Variants in LRP1B observed in about 807,000 individuals in gnomAD.
LRP1B encodes the protein LDL receptor related protein 1B.
LRP1B carries 217 observed loss-of-function variants against 556.6 expected under a neutral mutation model. The observed-to-expected ratio is 0.39, with a 90% CI of 0.35 to 0.44. The LOEUF is 0.44. Among genes scored for constraint, LRP1B ranks in the 20% least tolerant of loss-of-function variants. The pLI, the probability that LRP1B is intolerant of heterozygous loss-of-function variation, is 1.00. For missense variants in LRP1B, 5,053 were observed against 5,620.8 expected (o/e 0.90, Z 3.23); for synonymous variants, 2,047 against 1,865.8 (o/e 1.10, Z -2.50).
At chr2:141,054,987 T>C in intron 10 of LRP1B, 129 bp downstream of exon 10, 1 of 945,522 alleles carries the variant, frequency 1.1e-6, no homozygotes, top group Non-Finnish European at 1.5e-6. Flanking sequence ...AAATGGACAG[T>C]ATATATTTGC....
In LRP1B at chr2:142,040,535, GA is replaced by G. The variant is rs1234388251; in HGVS notation, c.82+90112del. On this transcript the variant is annotated intron_variant, in intron 1 of 90. Coordinates refer to ENST00000389484, the MANE Select transcript of LRP1B (RefSeq NM_018557.3). The stretch of plus-strand genomic sequence containing the variant: ...CTTGATAAAGATGAAAACAAAATAG[GA>G]AAAAATAAGGTATGGGTTATCCCAT... Among the ~76,000 whole-genome samples, 8 of 150,354 alleles carry G rather than the reference GA, an allele frequency of 5.3e-5. No homozygotes were observed. The South Asian group carries it at 6.3e-4, about 12-fold the overall frequency.
intron 59 of LRP1B, among the ~76,000 whole-genome samples, chr2:140,484,865 A>C (rs2105361625): frequency 6.6e-6 from 1 of 152,186 alleles, no homozygotes; most frequent in African/African-American, 2.4e-5. Context: ...AGTCCCATTC[A>C]GCTTTTCATC....
chr2:141,277,200 T>C (rs953295996), intron 3 of LRP1B, among the ~76,000 whole-genome samples: 1 of 152,186 alleles, frequency 6.6e-6, no homozygotes, highest in Non-Finnish European at 1.5e-5. Flanking sequence ...TTCAAGCTAT[T>C]TGAGAAATCG....
rs180767655 is a variant in LRP1B at position 141,063,726 on chromosome 2, C to T, written c.1014-1453G>A. Reference sequence around the variant, plus strand: ...AGCTATTCTGTTTCTATAAGGACTACCCAGTTTCACTCTTTCTTACTATAG... The same window carrying T: ...AGCTATTCTGTTTCTATAAGGACTATCCAGTTTCACTCTTTCTTACTATAG... On this transcript the variant is annotated intron_variant, in intron 7 of 90. Coordinates refer to ENST00000389484, the MANE Select transcript of LRP1B (RefSeq NM_018557.3). Among the ~76,000 whole-genome samples, 11 of 151,894 alleles carry T rather than the reference C, an allele frequency of 7.2e-5. No homozygotes were observed. The East Asian group carries it at 1.9e-3, about 27-fold the overall frequency.
intron 15 of LRP1B, among the ~76,000 whole-genome samples, chr2:140,999,787 C>T (rs1276810098): frequency 6.6e-6 from 1 of 151,970 alleles, no homozygotes; most frequent in Non-Finnish European, 1.5e-5. Flanking sequence ...GAAGAAACTA[C>T]ATAAGGCAGA....
At chr2:141,795,597 A>G (rs751041765) in intron 2 of LRP1B, among the ~76,000 whole-genome samples, 1 of 151,896 alleles carries the variant, frequency 6.6e-6, no homozygotes, top group Non-Finnish European at 1.5e-5. Flanking sequence ...TTAAAACTAT[A>G]TTACTGGGTG....
At chr2:141,160,040 C>T (rs571351894) in intron 7 of LRP1B, among the ~76,000 whole-genome samples, 3 of 152,112 alleles carry the variant, frequency 2.0e-5, no homozygotes, top group Admixed American at 6.6e-5. Flanking sequence ...TCAATAGGTG[C>T]AGCAAACCAC....
At chr2:140,653,614 A>G (rs910921015) in intron 41 of LRP1B, among the ~76,000 whole-genome samples, 2 of 152,110 alleles carry the variant, frequency 1.3e-5, no homozygotes, top group African/African-American at 4.8e-5. Flanking sequence ...GTTTTTTCAT[A>G]TTTAAAAGCC....
chr2:141,028,067 T>C (rs144764127), intron 11 of LRP1B, among the ~76,000 whole-genome samples: 1 of 152,244 alleles, frequency 6.6e-6, no homozygotes, highest in East Asian at 1.9e-4. Context: ...AAATTCTCTG[T>C]ACTATTTTGC....
intron 2 of LRP1B, among the ~76,000 whole-genome samples, chr2:141,552,791 T>C (rs1217834149): frequency 6.6e-6 from 1 of 151,954 alleles, no homozygotes; most frequent in African/African-American, 2.4e-5. Flanking sequence ...AAAAAAATTC[T>C]ACTGGGATTA....
At position 140,804,823 on chromosome 2, in the gene LRP1B, A is replaced by G. The variant is rs552327726; in HGVS notation, c.5359+8834T>C. Among the ~76,000 whole-genome samples the G allele has an allele frequency of 5.6e-4, 85 of 152,180 alleles. No individual in the cohort carries two copies. In the South Asian group the frequency reaches 5.6e-3, roughly 10 times the overall value. On this transcript the variant is annotated intron_variant, in intron 32 of 90. Coordinates refer to ENST00000389484, the MANE Select transcript of LRP1B (RefSeq NM_018557.3). ...TGTATTCATTCTTGAGCAACTGAACATGACATTCTCTGACATGCAGATGGT... is the reference window on the plus strand; with the variant it reads ...TGTATTCATTCTTGAGCAACTGAACGTGACATTCTCTGACATGCAGATGGT...
At chr2:140,273,617 G>A (rs547262099) in intron 85 of LRP1B, among the ~76,000 whole-genome samples, 6 of 152,102 alleles carry the variant, frequency 3.9e-5, no homozygotes, top group African/African-American at 1.4e-4. Context: ...CTGTGACATG[G>A]ACACTTTATG....
intron 21 of LRP1B, among the ~76,000 whole-genome samples, chr2:140,909,124 C>T (rs1311214515): frequency 6.6e-6 from 1 of 152,076 alleles, no homozygotes. Flanking sequence ...TGTTTCACTG[C>T]AAATTATTCC....
intron 41 of LRP1B, among the ~76,000 whole-genome samples, chr2:140,659,929 C>T (rs1435464796): frequency 6.6e-6 from 1 of 151,982 alleles, no homozygotes; most frequent in African/African-American, 2.4e-5. Flanking sequence ...AGATATGCAA[C>T]TGTTTATCAA....
intron 1 of LRP1B, among the ~76,000 whole-genome samples, chr2:142,045,366 G>T (rs2105222131): frequency 6.6e-6 from 1 of 151,904 alleles, no homozygotes; most frequent in South Asian, 2.1e-4. Flanking sequence ...CACCGTGCTT[G>T]CTTTTCAAGG....
At chr2:140,709,714 C>T (rs974156037) in intron 37 of LRP1B, among the ~76,000 whole-genome samples, 1 of 151,984 alleles carries the variant, frequency 6.6e-6, no homozygotes, top group Non-Finnish European at 1.5e-5. Context: ...TTTCCCTTGG[C>T]AATACCATCT....
intron 3 of LRP1B, among the ~76,000 whole-genome samples, chr2:141,341,871 C>A (rs184639385): frequency 9.9e-4 from 150 of 152,104 alleles, no homozygotes; most frequent in African/African-American, 3.6e-3. Flanking sequence ...TGTGTAAAAC[C>A]AATATTTGGA....
intron 84 of LRP1B, among the ~76,000 whole-genome samples, chr2:140,291,706 T>C (rs1208017920): frequency 2.0e-5 from 3 of 152,104 alleles, no homozygotes; most frequent in Non-Finnish European, 2.9e-5. Flanking sequence ...ATCCAGTCTA[T>C]CATTGTTGGT....
chr2:140,618,671 A>C (rs1683342267), intron 41 of LRP1B, among the ~76,000 whole-genome samples: 1 of 152,120 alleles, frequency 6.6e-6, no homozygotes, highest in South Asian at 2.1e-4. Flanking sequence ...ACATACAAGC[A>C]GTTTATTTTC....
Sources: gnomAD v4.1 joint callset for allele counts (sites outside exome capture counted in the v4.1 genomes callset) on GRCh38, gnomAD v4.1.1 for gene constraint, MANE v1.5 for transcripts, NCBI Gene and HGNC (gene_info 2026-07-23, HGNC 2026-07-21) for gene names.